The following C14orf39 variants were observed in gnomAD, a reference collection of about 807,000 sequenced individuals.
C14orf39 encodes the protein protein SIX6OS1.
C14orf39 carries 66 observed loss-of-function variants against 85.6 expected under a neutral mutation model. The ratio of observed to expected loss-of-function variants is 0.77; its 90% CI spans 0.63 to 0.95. The LOEUF is 0.95. Ranked by LOEUF, C14orf39 falls within the 40% of genes least tolerant of loss-of-function variation. The pLI is 0.00. For synonymous variants in C14orf39, 242 were observed against 214.0 expected, an observed-to-expected ratio of 1.13 and a Z score of -1.14; for missense variants, 735 against 663.9, an observed-to-expected ratio of 1.11 and a Z score of -1.18.
At chr14:60,497,193 T>C (rs986698689) in intron 2 of C14orf39, among the ~76,000 whole-genome samples, 1 of 152,230 alleles carries the variant, frequency 6.6e-6, no homozygotes, top group Non-Finnish European at 1.5e-5. Context: ...TCCTTCTTTA[T>C]TTAATAACCT....
Position 60,442,021 on chromosome 14 carries a change from C to T in C14orf39, c.1561+53G>A, listed in dbSNP as rs117586774. 1.6e-3 allele frequency: 2,009 copies of T among 1,232,796 alleles called. 9 individuals carry two copies. The highest frequency in any genetic ancestry group is 2.2e-3 in the Non-Finnish European group (1,917 of 853,320). The allele number at this position is 1,232,796 out of a possible 1,614,324, so 76.4% of individuals were successfully genotyped here. A position where few individuals can be genotyped will look rare whatever the true frequency, so the allele number is the denominator to read the frequency against. The stretch of plus-strand genomic sequence containing the variant: ...GAAAATAAGTTAGAGAAACTAAATA[C>T]TGTACTAATGAGTTAACATGTTTTT... On this transcript the variant is annotated intron_variant, in intron 17 of 17. Coordinates refer to ENST00000321731, the MANE Select transcript of C14orf39 (RefSeq NM_174978.3).
intron 5 of C14orf39, among the ~76,000 whole-genome samples, chr14:60,476,956 T>G (rs541539470): frequency 6.6e-6 from 1 of 152,326 alleles, no homozygotes; most frequent in South Asian, 2.1e-4. Context: ...TTCGTGCCTA[T>G]ATCTAACAAA....
intron 17 of C14orf39, among the ~76,000 whole-genome samples, chr14:60,438,045 C>T (rs1312012741): frequency 2.0e-5 from 3 of 151,574 alleles, no homozygotes; most frequent in African/African-American, 7.3e-5. Flanking sequence ...CAAATATGTA[C>T]TTGAAACAAG....
intron 5 of C14orf39, among the ~76,000 whole-genome samples, chr14:60,477,871 T>C (rs1231543309): frequency 1.3e-5 from 2 of 151,828 alleles, no homozygotes; most frequent in Non-Finnish European, 2.9e-5. Flanking sequence ...TCCAAAACAC[T>C]ACATTTACTT....
intron 17 of C14orf39, among the ~76,000 whole-genome samples, chr14:60,441,048 T>A (rs1890486949): frequency 6.6e-6 from 1 of 152,118 alleles, no homozygotes; most frequent in Non-Finnish European, 1.5e-5. Flanking sequence ...AAGTAAAAAA[T>A]TAACATCAAG....
intron 17 of C14orf39, 151 bp downstream of exon 17, chr14:60,441,923 A>G: frequency 1.8e-6 from 1 of 544,020 alleles, no homozygotes; most frequent in Non-Finnish European, 3.3e-6. Flanking sequence ...AATTGCTTGA[A>G]AAAGAAAGAA....
upstream of C14orf39, among the ~76,000 whole-genome samples, chr14:60,486,306 T>G (rs1231161411): frequency 6.6e-6 from 1 of 152,252 alleles, no homozygotes; most frequent in Non-Finnish European, 1.5e-5. Context: ...CCTGTTTTCT[T>G]GAAGACAAGT....
chr14:60,487,607 G>C (rs1236521979), upstream of C14orf39, among the ~76,000 whole-genome samples: 1 of 152,064 alleles, frequency 6.6e-6, no homozygotes, highest in African/African-American at 2.4e-5. Flanking sequence ...ACAGACATCT[G>C]TTCCACAAAG....
At chr14:60,442,715 T>C (rs1238569766) in intron 16 of C14orf39, among the ~76,000 whole-genome samples, 1 of 152,230 alleles carries the variant, frequency 6.6e-6, no homozygotes, top group Non-Finnish European at 1.5e-5. Flanking sequence ...ATACTGGACA[T>C]GTAAGTTGTC....
intron 16 of C14orf39, among the ~76,000 whole-genome samples, chr14:60,445,168 C>T (rs1890703610): frequency 6.6e-6 from 1 of 152,098 alleles, no homozygotes; most frequent in Non-Finnish European, 1.5e-5. Flanking sequence ...AATTAACGGG[C>T]AAAATAACCA....
intron 1 of C14orf39, chr14:60,511,116 G>A (rs1444831808): frequency 1.2e-6 from 2 of 1,612,900 alleles, no homozygotes; most frequent in African/African-American, 1.3e-5. Context: ...CAGGGTTCCG[G>A]GCGGGCACTA....
Position 60,463,595 on chromosome 14 carries a change from T to C in C14orf39, c.973-2002A>G, listed in dbSNP as rs539288097. 5.3e-5 allele frequency among the ~76,000 whole-genome samples: 8 copies of C among 152,258 alleles called. 1 individual carries two copies. The South Asian group carries it at 1.7e-3, about 32-fold the overall frequency. ...CTTTTAAGTGGTAACTTTCATGGTA[T>C]ATGAATTATACCTCAATGAAAGAAG... On this transcript the variant is annotated intron_variant, in intron 11 of 17. Coordinates refer to ENST00000321731, the MANE Select transcript of C14orf39 (RefSeq NM_174978.3).
intron 9 of C14orf39, among the ~76,000 whole-genome samples, chr14:60,467,480 T>C (rs1566670045): frequency 6.6e-6 from 1 of 151,782 alleles, no homozygotes; most frequent in Non-Finnish European, 1.5e-5. Context: ...GTCTTTTAAG[T>C]TTTTTACTGA....
intron 5 of C14orf39, among the ~76,000 whole-genome samples, chr14:60,472,393 T>C (rs538491519): frequency 1.1e-4 from 16 of 152,146 alleles, no homozygotes; most frequent in Admixed American, 3.9e-4. Context: ...AAAAAGGACA[T>C]TAACCTTTTT....
chr14:60,509,344 C>G, intron 1 of C14orf39: 1 of 1,493,650 alleles, frequency 6.7e-7, no homozygotes, highest in South Asian at 1.1e-5. Context: ...CCGCGGGCAT[C>G]TGCTGCGTGT....
chr14:60,455,215 A>T (rs1891214944), intron 15 of C14orf39, 70 bp from the exon 16 acceptor site: 1 of 1,118,662 alleles, frequency 8.9e-7, no homozygotes, highest in Admixed American at 2.7e-5. Flanking sequence ...AAGCATCATA[A>T]GCAACAGCAT....
At position 60,484,898 on chromosome 14, in the gene C14orf39, A is replaced by G. The variant is rs760051355; in HGVS notation, c.89T>C (p.Met30Thr). 1.3e-6 allele frequency: 2 copies of G among 1,566,994 alleles called. No homozygotes were observed. Among genetic ancestry groups the G allele is most frequent in the Non-Finnish European group, 1.7e-6 (2 of 1,152,010 alleles). The change falls in exon 3 of 18, where the codon ATG becomes ACG. Residue 30 changes from methionine (M) to threonine (T), a missense_variant. Physicochemically the swap from Met to Thr is moderately conservative, Grantham distance 81. Coordinates refer to ENST00000321731, the MANE Select transcript of C14orf39 (RefSeq NM_174978.3). This position sits in a 1 kb window ranked among gnomAD's most constrained non-coding sequence, Gnocchi z 4.2. Reference sequence around the variant, plus strand: ...CTACTTACTATTAATTCTTTGAATCATCTCTTCTTTAGTACTTATGTCTTG... The same window carrying G: ...CTACTTACTATTAATTCTTTGAATCGTCTCTTCTTTAGTACTTATGTCTTG... Reference protein sequence around the residue: ...YEQDISTKEEMIQRINKCCED... With the variant: ...YEQDISTKEETIQRINKCCED...
In C14orf39 at chr14:60,510,070, C is replaced by T. The variant is rs907990675; in HGVS notation, c.-144+5325G>A. ...CCAGTCCCTGGCGACTCCAATTCAG[C>T]AGGAGTTGGGAGCGCGGTCTGTCTT... On this transcript the variant is annotated intron_variant, in intron 1 of 5. Transcript: ENST00000556799. 1.0e-5 allele frequency: 11 copies of T among 1,084,682 alleles called. 1 individual carries two copies. The highest frequency in any genetic ancestry group is 2.7e-5 in the South Asian group (2 of 74,088). The allele number at this position is 1,084,682 out of a possible 1,614,324, so 67.2% of individuals were successfully genotyped here.
At chr14:60,451,551 G>C (rs2140055356) in intron 16 of C14orf39, among the ~76,000 whole-genome samples, 1 of 152,172 alleles carries the variant, frequency 6.6e-6, no homozygotes, top group Admixed American at 6.5e-5. Context: ...CATGGATGAA[G>C]CTGGAAACCA....
Sources: gnomAD v4.1 joint callset for allele counts (sites outside exome capture counted in the v4.1 genomes callset) on GRCh38, gnomAD v4.1.1 for gene constraint, Gnocchi (gnomAD v3.1) non-coding constraint, MANE v1.5 for transcripts, NCBI Gene and HGNC (gene_info 2026-07-23, HGNC 2026-07-21) for gene names.